TRAPPC13: variants seen among roughly 807,000 people sequenced by gnomAD.
The protein encoded by TRAPPC13 is REV7-interacting novel NHEJ regulator 1.
In TRAPPC13, 39 loss-of-function variants were observed where a neutral mutation model predicts 54.0. The observed-to-expected ratio is 0.72, with a 90% confidence interval of 0.56 to 0.94. TRAPPC13 has a LOEUF of 0.94. Among genes scored for constraint, TRAPPC13 ranks in the 40% least tolerant of loss-of-function variants. The pLI is 0.00. For synonymous variants in TRAPPC13, 148 were observed against 167.7 expected, an observed-to-expected ratio of 0.88 and a Z score of 0.91; for missense variants, 386 against 488.1, an observed-to-expected ratio of 0.79 and a Z score of 1.97.
intron 1 of TRAPPC13, among the ~76,000 whole-genome samples, chr5:65,626,668 G>A (rs1755247386): frequency 6.6e-6 from 1 of 151,416 alleles, no homozygotes; most frequent in Admixed American, 6.6e-5. Context: ...CCCGGGAGGC[G>A]GAGCTTGCAG....
At chr5:65,659,836 A>G (rs1444876110) in intron 9 of TRAPPC13, among the ~76,000 whole-genome samples, 1 of 151,644 alleles carries the variant, frequency 6.6e-6, no homozygotes, top group East Asian at 1.9e-4. Flanking sequence ...ATGGTGGTAC[A>G]CTCCTGCATT....
At chr5:65,630,639 AT>A (rs1426062330) in intron 1 of TRAPPC13, 1 of 1,025,726 alleles carries the variant, frequency 9.7e-7, no homozygotes, top group African/African-American at 1.7e-5. Context: ...CTAAAATCTA[AT>A]TTTACTGTAT....
intron 7 of TRAPPC13, among the ~76,000 whole-genome samples, chr5:65,655,383 T>C (rs774758386): frequency 6.6e-6 from 1 of 152,236 alleles, no homozygotes. Context: ...CCTTAACAGT[T>C]TGCTACTGTT....
chr5:65,651,272 G>A (rs566604918), intron 6 of TRAPPC13, among the ~76,000 whole-genome samples: 232 of 152,162 alleles, frequency 1.5e-3, no homozygotes, highest in Non-Finnish European at 2.5e-3. Flanking sequence ...ATCCTAGCTC[G>A]TTGGGAGGCT....
chr5:65,648,453 A>T (rs1756293795), intron 5 of TRAPPC13, among the ~76,000 whole-genome samples: 1 of 152,230 alleles, frequency 6.6e-6, no homozygotes, highest in Admixed American at 6.5e-5. Flanking sequence ...TAGTCCAAGG[A>T]TCTAGCAGAG....
chr5:65,647,845 C>G (rs184784423), intron 5 of TRAPPC13, among the ~76,000 whole-genome samples: 7 of 152,200 alleles, frequency 4.6e-5, no homozygotes, highest in Admixed American at 2.6e-4. Flanking sequence ...TTTTGCTTCT[C>G]TTTGTGCCCA....
chr5:65,628,213 G>GA (rs1554127507), intron 1 of TRAPPC13, among the ~76,000 whole-genome samples: 1 of 151,978 alleles, frequency 6.6e-6, no homozygotes, highest in Non-Finnish European at 1.5e-5. Flanking sequence ...TGCTCTAAGA[G>GA]AAAAAAATAG....
intron 6 of TRAPPC13, among the ~76,000 whole-genome samples, chr5:65,652,089 C>T (rs72764460): frequency 0.26 from 40,002 of 151,612 alleles, 5,861 homozygotes; most frequent in South Asian, 0.34. Context: ...GTCTCGACTC[C>T]TGACCTCAGG....
At chr5:65,629,505 T>A in intron 1 of TRAPPC13, 1 of 1,439,816 alleles carries the variant, frequency 6.9e-7, no homozygotes, top group South Asian at 1.5e-5. Context: ...GAGACAATCT[T>A]GCAATAATAA....
chr5:65,661,178 A>G (rs970403822), intron 10 of TRAPPC13: 20 of 248,724 alleles, frequency 8.0e-5, no homozygotes, highest in African/African-American at 4.5e-4. Flanking sequence ...TTGGTAACAC[A>G]TGCTCACTCT....
chr5:65,660,854 T>G lies in TRAPPC13; in HGVS notation c.854T>G (p.Leu285Arg). 1 of 1,613,234 alleles carries G rather than the reference T, an allele frequency of 6.2e-7. No homozygotes were observed. The highest frequency in any genetic ancestry group is 8.5e-7 in the Non-Finnish European group (1 of 1,179,542). Residue 285 changes from leucine to arginine, a missense_variant, in exon 10 of 13, where the codon CTA (leucine) becomes CGA (arginine). Physicochemically the swap from Leu to Arg is moderately radical, Grantham distance 102. Transcript: ENST00000399438. ...TTGGATATAGTATGGAAAACAAATC[T>G]AGGTGAAAGGGGAAGGTTACAGACC... ...GKLDIVWKTN[L>R]GERGRLQTSQ...
chr5:65,645,198 C>A (rs74457724), intron 4 of TRAPPC13, among the ~76,000 whole-genome samples: 164 of 108,754 alleles, frequency 1.5e-3, no homozygotes, highest in Middle Eastern at 4.8e-3. Flanking sequence ...AACTCTGTCT[C>A]AAAAAAAAAA....
In TRAPPC13 at chr5:65,659,442, G is replaced by T. The variant is rs112110231; in HGVS notation, c.698+941G>T. Among the ~76,000 whole-genome samples the T allele has an allele frequency of 1.4e-4, 22 of 152,226 alleles. 1 individual carries two copies. Among genetic ancestry groups the T allele is most frequent in the African/African-American group, 5.3e-4 (22 of 41,542 alleles). ...GTCTTTTAAGTCTCATAAAAATCCA[G>T]TGAGGTAAATATGAATCCTATCATT... On this transcript the variant is annotated intron_variant, in intron 9 of 12. Coordinates refer to ENST00000399438, the MANE Select transcript of TRAPPC13 (RefSeq NM_024941.4).
rs1011859549 is a variant in TRAPPC13 at position 65,643,420 on chromosome 5, A to G, written c.301-3635A>G. On this transcript the variant is annotated intron_variant, in intron 4 of 12. Coordinates refer to ENST00000399438, the MANE Select transcript of TRAPPC13 (RefSeq NM_024941.4). ...GTTTAGGGCTAGATTCTGTATATTT[A>G]TTGTTAACTTCATCCGTCTTATACT... is the stretch of plus-strand genomic sequence containing the variant. Among the ~76,000 whole-genome samples the G allele has an allele frequency of 4.6e-5, 7 of 152,050 alleles. No individual in the cohort carries two copies. In the South Asian group the frequency reaches 8.3e-4, roughly 18 times the overall value.
At chr5:65,629,420 G>T in intron 1 of TRAPPC13, 2 of 1,283,496 alleles carry the variant, frequency 1.6e-6, no homozygotes, top group Non-Finnish European at 9.9e-7. Context: ...CTGTTGGTAG[G>T]CAGGGTATCC....
At chr5:65,632,648 A>G (rs1472449695) in intron 1 of TRAPPC13, among the ~76,000 whole-genome samples, 1 of 152,214 alleles carries the variant, frequency 6.6e-6, no homozygotes, top group Non-Finnish European at 1.5e-5. Flanking sequence ...CCCTATCTGT[A>G]TATTGGGGTT....
chr5:65,637,490 G>C (rs1755793115), intron 3 of TRAPPC13, among the ~76,000 whole-genome samples: 1 of 151,948 alleles, frequency 6.6e-6, no homozygotes, highest in Non-Finnish European at 1.5e-5. Flanking sequence ...AATTAGCTAG[G>C]CGTGGTGGTG....
chr5:65,658,610 T>C, intron 9 of TRAPPC13, 109 bp downstream of exon 9: 2 of 952,532 alleles, frequency 2.1e-6, no homozygotes, highest in Non-Finnish European at 2.8e-6. Flanking sequence ...TTTTAAAGAA[T>C]TTGAGGTTCA....
chr5:65,636,144 C>CT (rs5868412), intron 3 of TRAPPC13, 101 bp downstream of exon 3: 205,369 of 503,324 alleles, frequency 0.41, 18,169 homozygotes, highest in South Asian at 0.44. Flanking sequence ...ATACATTTAC[C>CT]TTTTTTTTTT....
Sources: allele counts gnomAD v4.1 joint callset (sites outside exome capture counted in the v4.1 genomes callset), GRCh38; gene constraint gnomAD v4.1.1; transcripts MANE v1.5; gene names NCBI Gene and HGNC (gene_info 2026-07-23, HGNC 2026-07-21).